KDM4C: variants seen among roughly 807,000 people sequenced by gnomAD.
KDM4C encodes the protein lysine-specific demethylase 4C.
In KDM4C, 81 loss-of-function variants were observed where a neutral mutation model predicts 129.3. That is an observed-to-expected ratio of 0.63 (90% CI 0.52 to 0.75). KDM4C has a LOEUF of 0.75. KDM4C is among the 30% of genes least tolerant of loss of function. The pLI is 0.00. For synonymous variants in KDM4C, 573 were observed against 456.1 expected, an observed-to-expected ratio of 1.26 and a Z score of -3.26; for missense variants, 1,457 against 1,304.0, an observed-to-expected ratio of 1.12 and a Z score of -1.81.
At chr9:6,726,090 C>G (rs1817119114) in intron 1 of KDM4C, among the ~76,000 whole-genome samples, 1 of 152,066 alleles carries the variant, frequency 6.6e-6, no homozygotes, top group Non-Finnish European at 1.5e-5. Context: ...CCACACCTAG[C>G]TAATTTTTTT....
intron 8 of KDM4C, among the ~76,000 whole-genome samples, chr9:6,893,918 A>G (rs1204105546): frequency 1.3e-5 from 2 of 152,218 alleles, no homozygotes; most frequent in African/African-American, 2.4e-5. Flanking sequence ...GGTTTCTATT[A>G]GGTTTGCTTC....
chr9:7,022,917 G>T, intron 15 of KDM4C, among the ~76,000 whole-genome samples: 1 of 152,200 alleles, frequency 6.6e-6, no homozygotes, highest in South Asian at 2.1e-4. Context: ...TACGGTTTTT[G>T]TTCTTCATTC....
intron 19 of KDM4C, among the ~76,000 whole-genome samples, chr9:7,135,680 A>T (rs564532528): frequency 6.6e-6 from 1 of 152,324 alleles, no homozygotes; most frequent in African/African-American, 2.4e-5. Context: ...AGTGACATGG[A>T]TGTTCTGGAG....
At chr9:6,855,539 C>G (rs1255429677) in intron 5 of KDM4C, among the ~76,000 whole-genome samples, 1 of 148,540 alleles carries the variant, frequency 6.7e-6, no homozygotes, top group Non-Finnish European at 1.5e-5. Context: ...TTGGGATAAA[C>G]CAGAGGCATG....
intron 19 of KDM4C, among the ~76,000 whole-genome samples, chr9:7,161,087 C>G (rs979520634): frequency 3.3e-5 from 5 of 152,218 alleles, no homozygotes; most frequent in African/African-American, 1.2e-4. Flanking sequence ...CAGTCTCAGA[C>G]TGCTGCGCTA....
At chr9:6,873,829 T>C (rs1843136041) in intron 5 of KDM4C, among the ~76,000 whole-genome samples, 1 of 152,180 alleles carries the variant, frequency 6.6e-6, no homozygotes, top group East Asian at 1.9e-4. Flanking sequence ...CCCTCCTTAC[T>C]AAGCTAAATC....
chr9:6,858,687 C>G (rs370753207), intron 5 of KDM4C, among the ~76,000 whole-genome samples: 1 of 151,842 alleles, frequency 6.6e-6, no homozygotes. Flanking sequence ...GCATGAGAAT[C>G]GCTTCACCTG....
At chr9:6,737,464 C>G (rs1023957813) in intron 1 of KDM4C, among the ~76,000 whole-genome samples, 4 of 149,260 alleles carry the variant, frequency 2.7e-5, no homozygotes, top group Admixed American at 6.8e-5. Flanking sequence ...AATTTAAGAC[C>G]AGCCTGTCTA....
At chr9:6,775,098 C>A (rs7849183) in intron 1 of KDM4C, among the ~76,000 whole-genome samples, 9,184 of 152,232 alleles carry the variant, frequency 0.06, 297 homozygotes, top group East Asian at 0.12. Context: ...CTCACTGCAA[C>A]CTCTGCCTCC....
chr9:6,912,274 C>T (rs910677113), intron 8 of KDM4C, among the ~76,000 whole-genome samples: 1 of 152,176 alleles, frequency 6.6e-6, no homozygotes, highest in African/African-American at 2.4e-5. Context: ...ATACTTGATA[C>T]CATGCAGCTC....
At chr9:6,985,376 T>C (rs540285034) in intron 10 of KDM4C, among the ~76,000 whole-genome samples, 174 of 152,308 alleles carry the variant, frequency 1.1e-3, no homozygotes, top group Non-Finnish European at 2.0e-3. Context: ...GTGGATAGAG[T>C]TTAAACCACA....
intron 6 of KDM4C, among the ~76,000 whole-genome samples, chr9:6,884,864 T>A (rs893141295): frequency 6.6e-6 from 1 of 152,248 alleles, no homozygotes; most frequent in African/African-American, 2.4e-5. Context: ...TAGCAATAGC[T>A]AATATATTAT....
At chr9:6,781,438 A>C (rs1337415160) in intron 1 of KDM4C, among the ~76,000 whole-genome samples, 1 of 152,128 alleles carries the variant, frequency 6.6e-6, no homozygotes, top group Non-Finnish European at 1.5e-5. Context: ...TATTAACATT[A>C]AATTTGTTGC....
At chr9:6,903,927 A>G (rs914371170) in intron 8 of KDM4C, among the ~76,000 whole-genome samples, 14 of 152,162 alleles carry the variant, frequency 9.2e-5, no homozygotes, top group African/African-American at 3.1e-4. Flanking sequence ...CATGTCTTTA[A>G]TATATCATTC....
rs1355741115 is a variant in KDM4C, at chr9:7,174,622, A to G, written c.3064A>G (p.Arg1022Gly). 6.2e-7 allele frequency: 1 copy of G among 1,614,214 alleles called. No homozygotes were observed. The highest frequency in any genetic ancestry group is 8.5e-7 in the Non-Finnish European group (1 of 1,180,014). Residue 1022 changes from arginine (R) to glycine (G), a missense_variant, in exon 22 of 22, where the codon AGA becomes GGA. Coordinates refer to ENST00000381309, the MANE Select transcript of KDM4C (RefSeq NM_015061.6). The stretch of plus-strand genomic sequence containing the variant: ...AGACATTATCCAAGGGGAGAGAAAG[A>G]GACAAAGAGTGCTGAGCTCCAGGTT... Reference protein sequence around the residue: ...GADIIQGERKRQRVLSSRFKN... With the variant: ...GADIIQGERKGQRVLSSRFKN...
intron 4 of KDM4C, among the ~76,000 whole-genome samples, chr9:6,848,419 C>T (rs1838235877): frequency 6.6e-6 from 1 of 152,106 alleles, no homozygotes; most frequent in Admixed American, 6.5e-5. Context: ...GTAATCTCAG[C>T]ACTTTGGGAG....
At chr9:6,953,912 G>C (rs1344591080) in intron 8 of KDM4C, among the ~76,000 whole-genome samples, 2 of 152,200 alleles carry the variant, frequency 1.3e-5, no homozygotes, top group African/African-American at 4.8e-5. Context: ...AGCTGAATTT[G>C]CTCTCCAAAG....
chr9:7,174,424 G>T, intron 21 of KDM4C, 129 bp from the exon 22 acceptor site: 3 of 760,674 alleles, frequency 3.9e-6, no homozygotes, highest in Non-Finnish European at 6.5e-6. Flanking sequence ...CATGCCTGGG[G>T]CCCTTTTAGC....
rs1469346199 is a variant in KDM4C at position 7,013,928 on chromosome 9, C to G, written c.2109C>G (p.Pro703=). The change falls in exon 14 of 22, where the codon CCC becomes CCG. Residue 703 remains proline, a synonymous_variant. Coordinates refer to ENST00000381309, the MANE Select transcript of KDM4C (RefSeq NM_015061.6). ...AAGAAAATATAGAATATTCTCCACC[C>G]AATGCCTTCCTTGAAGAGGATGGAA... is the stretch of plus-strand genomic sequence containing the variant. The part of the protein sequence containing the change: ...YSEENIEYSP[P]NAFLEEDGTS... 1.9e-6 allele frequency: 3 copies of G among 1,613,854 alleles called. No individual in the cohort carries two copies. The highest frequency in any genetic ancestry group is 2.2e-5 in the East Asian group (1 of 44,886).
Sources: allele counts gnomAD v4.1 joint callset (sites outside exome capture counted in the v4.1 genomes callset), GRCh38; gene constraint gnomAD v4.1.1; transcripts MANE v1.5; gene names NCBI Gene and HGNC (gene_info 2026-07-23, HGNC 2026-07-21).